The following ADAMTS10 variants were observed in gnomAD, a reference collection of about 807,000 sequenced individuals.
ADAMTS10 encodes ADAM metallopeptidase with thrombospondin type 1 motif 10.
Under a neutral mutation model 135.9 loss-of-function variants are expected in ADAMTS10, and 48 were observed. The observed-to-expected ratio is 0.35, with a 90% CI of 0.28 to 0.45. ADAMTS10 has a LOEUF of 0.45. Among genes scored for constraint, ADAMTS10 ranks in the 20% least tolerant of loss-of-function variants. The pLI is 1.00. For missense variants in ADAMTS10, 1,131 were observed against 1,565.2 expected (o/e 0.72, Z 4.68); for synonymous variants, 621 against 647.5 (o/e 0.96, Z 0.62).
intron 12 of ADAMTS10, 64 bp downstream of exon 12, chr19:8,595,698 T>TGCCAACC: frequency 1.9e-5 from 24 of 1,291,930 alleles, no homozygotes; most frequent in Non-Finnish European, 1.9e-5. Flanking sequence ...CTGGTGGAGT[T>TGCCAACC]CCCTCCCCCA....
chr19:8,588,893 G>A (rs898645952), intron 18 of ADAMTS10, among the ~76,000 whole-genome samples: 2 of 151,880 alleles, frequency 1.3e-5, no homozygotes, highest in African/African-American at 4.8e-5. Flanking sequence ...CCAGGTTCAA[G>A]CAGTTCTCGT....
At chr19:8,593,846 G>T (rs1334435716) in intron 12 of ADAMTS10, among the ~76,000 whole-genome samples, 1 of 152,092 alleles carries the variant, frequency 6.6e-6, no homozygotes, top group Non-Finnish European at 1.5e-5. Context: ...TGTAATCCCC[G>T]CTTTGAACCC....
intron 2 of ADAMTS10, among the ~76,000 whole-genome samples, chr19:8,606,513 C>A (rs1295108001): frequency 6.6e-6 from 1 of 152,110 alleles, no homozygotes; most frequent in African/African-American, 2.4e-5. Flanking sequence ...TTGATTCTCC[C>A]GCCTCAGCCT....
chr19:8,600,908 A>G lies in ADAMTS10; in HGVS notation c.810+20T>C, dbSNP rs370897192. 1.6e-4 allele frequency: 264 copies of G among 1,613,718 alleles called. No homozygotes were observed. Among genetic ancestry groups the G allele is most frequent in the Non-Finnish European group, 2.1e-4 (247 of 1,179,970 alleles). Reference sequence around the variant, plus strand: ...TCCAAGTCCTCAGGGCTGCGTGCCCAGGGAGGGGAAGGCACTTACAATGTT... The same window carrying G: ...TCCAAGTCCTCAGGGCTGCGTGCCCGGGGAGGGGAAGGCACTTACAATGTT... On this transcript the variant is annotated intron_variant, in intron 6 of 25. Transcript: ENST00000597188.
In ADAMTS10 at chr19:8,597,294, C is replaced by T. The variant is rs782449192; in HGVS notation, c.834G>A (p.Ser278=). The T allele has an allele frequency of 2.9e-5, 46 of 1,613,874 alleles. No individual in the cohort carries two copies. Among genetic ancestry groups the T allele is most frequent in the Middle Eastern group, 1.6e-4 (1 of 6,084 alleles). Residue 278 remains serine, a synonymous_variant, in exon 7 of 26, where the codon TCG becomes TCA. Transcript: ENST00000597188. Reference sequence around the variant, plus strand: ...GGATGTTAACGGTGCTTCCCAGACTCGAGTCCTGGAAAAGTTTGGCAACCT... The same window carrying T: ...GGATGTTAACGGTGCTTCCCAGACTTGAGTCCTGGAAAAGTTTGGCAACCT... ...MNIVAKLFQD[S]SLGSTVNILV...
rs782642417 is a variant in ADAMTS10, at chr19:8,586,794, C to A, written c.2239+22G>T. ...CTCCCCACTGACCCCTAATCCTCAT[C>A]CCCTCCCCACCATCTGCTCACCCAA... On this transcript the variant is annotated intron_variant, in intron 19 of 25. Coordinates refer to ENST00000597188, the MANE Select transcript of ADAMTS10 (RefSeq NM_030957.4). 2.5e-6 allele frequency: 4 copies of A among 1,613,988 alleles called. No individual in the cohort carries two copies. The African/African-American group carries it at 4.0e-5, about 16-fold the overall frequency.
chr19:8,600,877 G>T, intron 6 of ADAMTS10, 51 bp downstream of exon 6: 1 of 1,606,186 alleles, frequency 6.2e-7, no homozygotes. Context: ...AACACTGCAG[G>T]CTGGCTCCAA....
intron 17 of ADAMTS10, 27 bp from the exon 18 acceptor site, chr19:8,589,392 G>A (rs2146054364): frequency 3.1e-6 from 5 of 1,611,018 alleles, no homozygotes; most frequent in East Asian, 2.2e-5. Flanking sequence ...TGAGTGAGGC[G>A]ACCCCCTAAC....
chr19:8,605,609 C>T lies in ADAMTS10; in HGVS notation c.88+14G>A. On this transcript the variant is annotated intron_variant, in intron 3 of 25. Coordinates refer to ENST00000597188, the MANE Select transcript of ADAMTS10 (RefSeq NM_030957.4). This position sits in a 1 kb window ranked among gnomAD's most constrained non-coding sequence, Gnocchi z 7.7. ...TTCGCTCCCTCCCCACCGCCACCAC[C>T]AGACTTCCCCTACCTTGAGACCGGA... is the stretch of plus-strand genomic sequence containing the variant. 1 of 1,613,142 alleles carries T rather than the reference C, an allele frequency of 6.2e-7. No individual in the cohort carries two copies. The highest frequency in any genetic ancestry group is 8.5e-7 in the Non-Finnish European group (1 of 1,179,754).
intron 12 of ADAMTS10, chr19:8,593,297 T>G: frequency 5.1e-6 from 1 of 196,420 alleles, no homozygotes; most frequent in South Asian, 8.2e-5. Flanking sequence ...TGCTGAGGAA[T>G]GAACAGGAAG....
At position 8,605,576 on chromosome 19, in the gene ADAMTS10, T is replaced by A; in HGVS notation, c.88+47A>T. 2.5e-6 allele frequency: 4 copies of A among 1,586,322 alleles called. No homozygotes were observed. In the South Asian group the frequency reaches 4.5e-5, roughly 18 times the overall value. On this transcript the variant is annotated intron_variant, in intron 3 of 25. Transcript: ENST00000597188. The surrounding 1 kb of genome is among the most constrained non-coding windows in gnomAD (Gnocchi z 7.7). ...TTTCTGTTGGAGCCCAACTGGTCTC[T>A]TACATTTTTCGCTCCCTCCCCACCG...
At chr19:8,586,533 A>C (rs782087305) in intron 20 of ADAMTS10, 25 bp downstream of exon 20, 1 of 1,613,204 alleles carries the variant, frequency 6.2e-7, no homozygotes, top group Non-Finnish European at 8.5e-7. Context: ...CAAAGGCTGC[A>C]CCTTGCCCCC....
chr19:8,582,970 A>G (rs1334714341), intron 25 of ADAMTS10, among the ~76,000 whole-genome samples: 3 of 151,994 alleles, frequency 2.0e-5, no homozygotes, highest in African/African-American at 7.2e-5. Flanking sequence ...TTTTGTAGAT[A>G]CAGGTGTCTT....
chr19:8,600,733 T>A (rs147592386), intron 6 of ADAMTS10, among the ~76,000 whole-genome samples, 195 bp downstream of exon 6: 2 of 151,878 alleles, frequency 1.3e-5, no homozygotes, highest in Admixed American at 6.6e-5. Context: ...CTCCTGACCT[T>A]GTGATCTGCC....
At chr19:8,589,171 A>C (rs2042481815) in intron 18 of ADAMTS10, 71 bp downstream of exon 18, 1 of 1,604,822 alleles carries the variant, frequency 6.2e-7, no homozygotes, top group Non-Finnish European at 8.5e-7. Flanking sequence ...CAGCTACTGC[A>C]CTGGGATCAG....
chr19:8,591,657 G>T lies in ADAMTS10; in HGVS notation c.1797+143C>A, dbSNP rs1175465157. On this transcript the variant is annotated intron_variant, in intron 15 of 25. Coordinates refer to ENST00000597188, the MANE Select transcript of ADAMTS10 (RefSeq NM_030957.4). ...GGGTTTCACTATGTTAGCCAGGATG[G>T]TCTCGATCTCCTGACCTCGTGATCC... 19 of 944,090 alleles carry T rather than the reference G, an allele frequency of 2.0e-5. No individual in the cohort carries two copies. In the Admixed American group the frequency reaches 2.5e-4, roughly 12 times the overall value. The allele number at this position is 944,090 out of a possible 1,614,324, so 58.5% of individuals were successfully genotyped here. A position where few individuals can be genotyped will look rare whatever the true frequency, so the allele number is the denominator to read the frequency against.
In ADAMTS10 at chr19:8,596,908, G is replaced by C. The variant is rs2042611756; in HGVS notation, c.1040+79C>G. The C allele has an allele frequency of 6.3e-7, 1 of 1,594,284 alleles. No homozygotes were observed. The highest frequency in any genetic ancestry group is 2.2e-5 in the East Asian group (1 of 44,820). ...TGCTCCTCCTGACCCTAGCAGAAGTGATCTCTGTTTGGACTCTCATGGTTC... is the reference window on the plus strand; with the variant it reads ...TGCTCCTCCTGACCCTAGCAGAAGTCATCTCTGTTTGGACTCTCATGGTTC... On this transcript the variant is annotated intron_variant, in intron 8 of 25. Coordinates refer to ENST00000597188, the MANE Select transcript of ADAMTS10 (RefSeq NM_030957.4). This position sits in a 1 kb window ranked among gnomAD's most constrained non-coding sequence, Gnocchi z 7.2.
intron 2 of ADAMTS10, among the ~76,000 whole-genome samples, chr19:8,607,627 G>A (rs2042734790): frequency 6.6e-6 from 1 of 152,052 alleles, no homozygotes; most frequent in Non-Finnish European, 1.5e-5. Context: ...CCCCAAACAG[G>A]GCAGTTCAGC....
chr19:8,602,345 G>T (rs1346602240), intron 5 of ADAMTS10, among the ~76,000 whole-genome samples: 1 of 152,056 alleles, frequency 6.6e-6, no homozygotes, highest in Non-Finnish European at 1.5e-5. Context: ...TTGAGACAGA[G>T]CCTCACTCTG....
Sources: allele counts gnomAD v4.1 joint callset (sites outside exome capture counted in the v4.1 genomes callset), GRCh38; gene constraint gnomAD v4.1.1; non-coding constraint Gnocchi (gnomAD v3.1); transcripts MANE v1.5; gene names NCBI Gene and HGNC (gene_info 2026-07-23, HGNC 2026-07-21).